The following OAS3 variants were observed in gnomAD, a reference collection of about 807,000 sequenced individuals.
The protein encoded by OAS3 is 2'-5'-oligoadenylate synthetase 3.
In OAS3, 107 loss-of-function variants were observed where a neutral mutation model predicts 113.0. That is an observed-to-expected ratio of 0.95 (90% confidence interval 0.81 to 1.11). The LOEUF (loss-of-function observed/expected upper bound fraction) is 1.11, where lower values mean the gene tolerates loss of function less well. Among genes scored for constraint, OAS3 ranks in the 50% most tolerant of loss-of-function variants. The pLI is 0.00. For missense variants in OAS3, 1,258 were observed against 1,389.1 expected, an observed-to-expected ratio of 0.91 and a Z score of 1.50; for synonymous variants, 552 against 573.6, an observed-to-expected ratio of 0.96 and a Z score of 0.54.
rs1371434200 is a variant in OAS3 at position 112,971,861 on chromosome 12, G to C, written c.*1888G>C. The C allele has an allele frequency of 6.6e-6, 1 of 152,304 alleles. No homozygotes were observed. Among genetic ancestry groups the C allele is most frequent in the South Asian group, 2.1e-4 (1 of 4,822 alleles). 9.4% of individuals were successfully genotyped at this position (152,304 alleles called of 1,614,324 possible). A position where few individuals can be genotyped will look rare whatever the true frequency, so the allele number is the denominator to read the frequency against. ...TGCCATATTGACAGCCTCCATCCCT[G>C]TCCCCCATCTTGGTGCTGAACCAAC... On this transcript the variant is annotated 3_prime_UTR_variant, in exon 16 of 16. Coordinates refer to ENST00000228928, the MANE Select transcript of OAS3 (RefSeq NM_006187.4).
rs182310578 is a variant in OAS3 at position 112,967,321 on chromosome 12, C to T, written c.2690-97C>T. 477 of 1,228,428 alleles carry T rather than the reference C, an allele frequency of 3.9e-4. 1 individual carries two copies. The highest frequency in any genetic ancestry group is 3.3e-3 in the Admixed American group (146 of 44,008). 76.1% of individuals were successfully genotyped at this position (1,228,428 alleles called of 1,614,324 possible). A position where few individuals can be genotyped will look rare whatever the true frequency, so the allele number is the denominator to read the frequency against. ...GGATCCCAGACCACCCTTAGGAAAA[C>T]ACCCAAGAGGTAGGAGATCTCAGAA... is the stretch of plus-strand genomic sequence containing the variant. On this transcript the variant is annotated intron_variant, in intron 12 of 15. Coordinates refer to ENST00000228928, the MANE Select transcript of OAS3 (RefSeq NM_006187.4).
rs769204385 is a variant in OAS3, at chr12:112,950,941, G to A, written c.1623G>A (p.Thr541=). 1.3e-5 allele frequency: 21 copies of A among 1,613,774 alleles called. No individual in the cohort carries two copies. The highest frequency in any genetic ancestry group is 5.5e-5 in the South Asian group (5 of 91,072). Residue 541 remains threonine, a synonymous_variant, in exon 7 of 16, where the codon ACG becomes ACA. Transcript: ENST00000228928. ...QLVSTALKSW[T]DVSLLPAFDA... is the part of the protein sequence containing the mutation. ...TGTCCACAGCCCTGAAGAGCTGGACGGATGTTAGCCTGCTGCCTGCCTTCG... is the reference window on the plus strand; with the variant it reads ...TGTCCACAGCCCTGAAGAGCTGGACAGATGTTAGCCTGCTGCCTGCCTTCG...
At position 112,944,481 on chromosome 12, in the gene OAS3, G is replaced by T. The variant is rs746370253; in HGVS notation, c.466G>T (p.Ala156Ser). Residue 156 changes from alanine (A) to serine (S), a missense_variant, in exon 3 of 16, where the codon GCC becomes TCC. Transcript: ENST00000228928. ...ACAGCGCTTCACACCAACAGGTCAG[G>T]CCGGCTCCGGCGTCAAACCCAAGCC... ...LVPAFNVLGQ[A>S]GSGVKPKPQV... 5.6e-6 allele frequency: 9 copies of T among 1,613,838 alleles called. No individual in the cohort carries two copies. Among genetic ancestry groups the T allele is most frequent in the Admixed American group, 3.3e-5 (2 of 60,002 alleles).
At chr12:112,944,730 C>A in intron 3 of OAS3, 79 bp downstream of exon 3, 1 of 1,424,108 alleles carries the variant, frequency 7.0e-7, no homozygotes, top group Non-Finnish European at 9.8e-7. Context: ...TGTTGTCTTA[C>A]ATTTAGTGGC....
At chr12:112,953,945 T>C (rs1020729414) in intron 7 of OAS3, among the ~76,000 whole-genome samples, 2 of 152,262 alleles carry the variant, frequency 1.3e-5, no homozygotes, top group Admixed American at 1.3e-4. Context: ...AGGTTGCTTG[T>C]TCACTCTGAT....
At chr12:112,962,981 G>A in intron 9 of OAS3, 79 bp downstream of exon 9, 1 of 1,578,804 alleles carries the variant, frequency 6.3e-7, no homozygotes, top group Non-Finnish European at 8.6e-7. Flanking sequence ...CATCCAGGAG[G>A]AGTCCAAGGT....
chr12:112,950,775 A>G lies in OAS3; in HGVS notation c.1457A>G (p.Tyr486Cys). The G allele has an allele frequency of 1.2e-6, 2 of 1,614,032 alleles. No homozygotes were observed. The highest frequency in any genetic ancestry group is 1.7e-6 in the Non-Finnish European group (2 of 1,179,896). ...LIIFLNCFTD[Y>C]KDQGPRRAEI... ...ATCTTCCTCAACTGCTTCACGGACT[A>G]CAAGGACCAGGGGCCCCGCCGCGCA... Residue 486 changes from tyrosine to cysteine, a missense_variant, in exon 7 of 16, where the codon TAC becomes TGC. Tyr to Cys is a radical substitution (Grantham distance 194). Transcript: ENST00000228928.
In OAS3 at chr12:112,946,823, G is replaced by C; in HGVS notation, c.717G>C (p.Gln239His). 1 of 1,613,760 alleles carries C rather than the reference G, an allele frequency of 6.2e-7. No individual in the cohort carries two copies. Among genetic ancestry groups the C allele is most frequent in the Non-Finnish European group, 8.5e-7 (1 of 1,179,826 alleles). Reference protein sequence around the residue: ...LELLTIFAWEQGCKKDAFSLA... With the variant: ...LELLTIFAWEHGCKKDAFSLA... ...TGCTGACCATCTTCGCCTGGGAGCAGGGCTGTAAGAAGGATGCTTTCAGCC... is the reference window on the plus strand; with the variant it reads ...TGCTGACCATCTTCGCCTGGGAGCACGGCTGTAAGAAGGATGCTTTCAGCC... The change falls in exon 4 of 16, where the codon CAG becomes CAC. Residue 239 changes from glutamine to histidine, a missense_variant. Gln to His is a conservative substitution (Grantham distance 24, BLOSUM62 0). Transcript: ENST00000228928.
At position 112,944,554 on chromosome 12, in the gene OAS3, A is replaced by G. The variant is rs772903452; in HGVS notation, c.539A>G (p.His180Arg). The G allele has an allele frequency of 3.1e-6, 5 of 1,614,096 alleles. No individual in the cohort carries two copies. Among genetic ancestry groups the G allele is most frequent in the African/African-American group, 1.3e-5 (1 of 75,078 alleles). The change falls in exon 3 of 16, where the codon CAT becomes CGT. Residue 180 changes from histidine (H) to arginine (R), a missense_variant. By Grantham distance (29) the His-to-Arg change is conservative. Transcript: ENST00000228928. Reference protein sequence around the residue: ...LLNSGCQGGEHAACFTELRRN... With the variant: ...LLNSGCQGGERAACFTELRRN... ...AACAGTGGCTGCCAAGGGGGCGAGC[A>G]TGCGGCCTGCTTCACAGAGCTGCGG...
intron 2 of OAS3, among the ~76,000 whole-genome samples, chr12:112,942,744 T>G (rs184289461): frequency 7.1e-4 from 107 of 151,350 alleles, no homozygotes; most frequent in Non-Finnish European, 1.3e-3. Flanking sequence ...TAGCATGTGA[T>G]AAGGGTTGTA....
intron 13 of OAS3, 65 bp from the exon 14 acceptor site, chr12:112,967,871 A>T (rs1395186941): frequency 6.5e-7 from 1 of 1,535,808 alleles, no homozygotes; most frequent in Non-Finnish European, 8.8e-7. Context: ...CCAAGTCCAG[A>T]ATAATCCCTT....
Position 112,964,218 on chromosome 12 carries a change from C to A in OAS3, c.2230-17C>A. The A allele has an allele frequency of 6.4e-7, 1 of 1,569,148 alleles. No individual in the cohort carries two copies. Among genetic ancestry groups the A allele is most frequent in the Non-Finnish European group, 8.6e-7 (1 of 1,156,636 alleles). The stretch of plus-strand genomic sequence containing the variant: ...GAGTCCCGTCTCAAGCTGGCCCCAC[C>A]TGGATTCTCTCTGCAGCCAGCCCTC... On this transcript the variant is annotated splice_polypyrimidine_tract_variant and intron_variant, in intron 10 of 15. Coordinates refer to ENST00000228928, the MANE Select transcript of OAS3 (RefSeq NM_006187.4).
chr12:112,952,459 T>A (rs1034894257), intron 7 of OAS3, among the ~76,000 whole-genome samples: 3 of 152,218 alleles, frequency 2.0e-5, no homozygotes, highest in African/African-American at 7.2e-5. Flanking sequence ...GCAACAATGA[T>A]ATAATGATCT....
At position 112,971,935 on chromosome 12, in the gene OAS3, C is replaced by T. The variant is rs2043988133; in HGVS notation, c.*1962C>T. On this transcript the variant is annotated 3_prime_UTR_variant, in exon 16 of 16. Coordinates refer to ENST00000228928, the MANE Select transcript of OAS3 (RefSeq NM_006187.4). ...ACCTCATCGATACTGCCTGGTAATC[C>T]AAAGCTAGAACTCTCAGGACCCCAA... 1 of 152,328 alleles carries T rather than the reference C, an allele frequency of 6.6e-6. No homozygotes were observed. The highest frequency in any genetic ancestry group is 1.5e-5 in the Non-Finnish European group (1 of 68,146). The allele number at this position is 152,328 out of a possible 1,614,324, so 9.4% of individuals were successfully genotyped here. A position where few individuals can be genotyped will look rare whatever the true frequency, so the allele number is the denominator to read the frequency against.
intron 8 of OAS3, 80 bp downstream of exon 8, chr12:112,961,326 C>G: frequency 1.6e-6 from 2 of 1,264,240 alleles, no homozygotes; most frequent in Middle Eastern, 2.2e-4. Flanking sequence ...CCTCTACACC[C>G]ACATCTCCCC....
intron 6 of OAS3, among the ~76,000 whole-genome samples, chr12:112,949,482 C>G (rs1172578352): frequency 2.6e-5 from 4 of 152,142 alleles, no homozygotes; most frequent in African/African-American, 9.7e-5. Flanking sequence ...TCAAGTCCTA[C>G]AGGATGGGCC....
At chr12:112,946,707 C>A in intron 3 of OAS3, 36 bp from the exon 4 acceptor site, 1 of 1,551,616 alleles carries the variant, frequency 6.4e-7, no homozygotes, top group South Asian at 1.2e-5. Context: ...TCCTCCCCTT[C>A]TTCCTTCTGA....
chr12:112,963,874 T>G lies in OAS3; in HGVS notation c.2230-361T>G, dbSNP rs1188257915. ...AAGAATTCCTGCCATGGACCCTGCT[T>G]CTAGGAAAACTGAGACATAAGCCAC... On this transcript the variant is annotated intron_variant, in intron 10 of 15. Transcript: ENST00000228928. This position sits in a 1 kb window ranked among gnomAD's most constrained non-coding sequence, Gnocchi z 4.6. Among the ~76,000 whole-genome samples the G allele has an allele frequency of 6.6e-6, 1 of 152,182 alleles. No homozygotes were observed. Among genetic ancestry groups the G allele is most frequent in the East Asian group, 1.9e-4 (1 of 5,192 alleles).
At chr12:112,968,983 A>C (rs776792069) in intron 14 of OAS3, among the ~76,000 whole-genome samples, 43 of 152,250 alleles carry the variant, frequency 2.8e-4, no homozygotes, top group Non-Finnish European at 6.0e-4. Context: ...GTGGCTACTT[A>C]GAATGATGTG....
Sources: allele counts gnomAD v4.1 joint callset (sites outside exome capture counted in the v4.1 genomes callset), GRCh38; gene constraint gnomAD v4.1.1; non-coding constraint Gnocchi (gnomAD v3.1); transcripts MANE v1.5; gene names NCBI Gene and HGNC (gene_info 2026-07-23, HGNC 2026-07-21).